HEPHL1: variants seen among roughly 807,000 people sequenced by gnomAD.
The protein encoded by HEPHL1 is ferroxidase HEPHL1.
Under a neutral mutation model 122.0 loss-of-function variants are expected in HEPHL1, and 123 were observed. That is an observed-to-expected ratio of 1.01 (90% CI 0.87 to 1.17). HEPHL1 has a LOEUF of 1.17. Among genes scored for constraint, HEPHL1 ranks in the 50% most tolerant of loss-of-function variants. HEPHL1 has a pLI of 0.00. For synonymous variants in HEPHL1, 527 were observed against 508.9 expected, an observed-to-expected ratio of 1.04 and a Z score of -0.48; for missense variants, 1,452 against 1,430.5, an observed-to-expected ratio of 1.01 and a Z score of -0.24.
At chr11:94,089,028 T>C (rs1565359099) in intron 12 of HEPHL1, 60 bp downstream of exon 12, 3 of 1,458,184 alleles carry the variant, frequency 2.1e-6, no homozygotes, top group African/African-American at 2.8e-5. Flanking sequence ...CGTAGGTCTT[T>C]AGTAAGTGTG....
In HEPHL1 at chr11:94,056,739, C is replaced by T. The variant is rs576517264; in HGVS notation, c.416-6769C>T. On this transcript the variant is annotated intron_variant, in intron 2 of 19. Transcript: ENST00000315765. Reference sequence around the variant, plus strand: ...CCTTCTCTAAATAAACCCAGCAATACGTTGTTATATACTTGGTGCTTTATA... The same window carrying T: ...CCTTCTCTAAATAAACCCAGCAATATGTTGTTATATACTTGGTGCTTTATA... Among the ~76,000 whole-genome samples, 18 of 151,620 alleles carry T rather than the reference C, an allele frequency of 1.2e-4. No individual in the cohort carries two copies. The Middle Eastern group carries it at 0.01, about 87-fold the overall frequency.
chr11:94,101,265 C>A lies in HEPHL1; in HGVS notation c.2505C>A (p.Tyr835Ter), dbSNP rs778904551. ...TTAAGAACAAAGCCAGTAGGCCCTA[C>A]TCCATCTCAGCCCAGGGTGTGGAGG... ...IIFKNKASRP[Y>*]SISAQGVEEM... Residue 835 changes from tyrosine (Y) to a stop codon, truncating the protein, a stop_gained, in exon 14 of 20, where the codon TAC (tyrosine) becomes TAA (stop). Coordinates refer to ENST00000315765, the MANE Select transcript of HEPHL1 (RefSeq NM_001098672.2). LOFTEE classifies it high-confidence loss of function. 3.1e-6 allele frequency: 5 copies of A among 1,613,870 alleles called. No homozygotes were observed. The South Asian group carries it at 4.4e-5, about 14-fold the overall frequency.
intron 1 of HEPHL1, among the ~76,000 whole-genome samples, chr11:94,036,685 A>G (rs142540555): frequency 1.1e-3 from 161 of 152,144 alleles, no homozygotes; most frequent in Middle Eastern, 3.4e-3. Context: ...ACAAAATACA[A>G]AAAATTAGCC....
intron 13 of HEPHL1, among the ~76,000 whole-genome samples, chr11:94,094,548 G>T (rs762704206): frequency 2.5e-4 from 38 of 152,176 alleles, no homozygotes; most frequent in Middle Eastern, 3.2e-3. Flanking sequence ...GGTATTTCTA[G>T]TTCTAGATCC....
At chr11:94,085,472 A>G (rs1036421924) in intron 10 of HEPHL1, among the ~76,000 whole-genome samples, 6 of 152,218 alleles carry the variant, frequency 3.9e-5, no homozygotes, top group African/African-American at 1.4e-4. Flanking sequence ...ATGCACATAT[A>G]CTGTCAATTG....
intron 1 of HEPHL1, among the ~76,000 whole-genome samples, chr11:94,027,057 C>G (rs546708836): frequency 6.6e-6 from 1 of 152,300 alleles, no homozygotes; most frequent in South Asian, 2.1e-4. Context: ...TCTGGAGGTT[C>G]TAAGGGAGGG....
At chr11:94,048,951 C>T (rs1945864425) in intron 2 of HEPHL1, among the ~76,000 whole-genome samples, 1 of 151,888 alleles carries the variant, frequency 6.6e-6, no homozygotes, top group South Asian at 2.1e-4. Context: ...GAAACCCCAT[C>T]TCTACTAAAA....
chr11:94,021,765 G>A (rs910693765), intron 1 of HEPHL1, among the ~76,000 whole-genome samples: 1 of 152,208 alleles, frequency 6.6e-6, no homozygotes, highest in Admixed American at 6.5e-5. Context: ...AGCCTTGCCT[G>A]TGAAGGGACA....
intron 13 of HEPHL1, among the ~76,000 whole-genome samples, chr11:94,095,317 T>G (rs932372214): frequency 2.0e-5 from 3 of 152,200 alleles, no homozygotes; most frequent in Admixed American, 6.5e-5. Flanking sequence ...ATGTGTGGTA[T>G]TATTTCTGAG....
chr11:94,096,499 C>A (rs532886180), intron 13 of HEPHL1, among the ~76,000 whole-genome samples: 33 of 151,964 alleles, frequency 2.2e-4, no homozygotes, highest in African/African-American at 7.5e-4. Flanking sequence ...GTTGTGTCTG[C>A]CAGGCTTTGG....
chr11:94,109,972 G>C (rs1197494718), intron 17 of HEPHL1, among the ~76,000 whole-genome samples: 1 of 152,126 alleles, frequency 6.6e-6, no homozygotes, highest in East Asian at 1.9e-4. Context: ...TAATTTGTTG[G>C]AATATCTTGA....
chr11:94,056,543 C>T (rs560604156), intron 2 of HEPHL1, among the ~76,000 whole-genome samples: 1 of 152,084 alleles, frequency 6.6e-6, no homozygotes, highest in African/African-American at 2.4e-5. Context: ...TGGTTTGCCT[C>T]GGGATTGTAA....
At chr11:94,042,589 A>G (rs1382548689) in intron 1 of HEPHL1, among the ~76,000 whole-genome samples, 6 of 151,618 alleles carry the variant, frequency 4.0e-5, no homozygotes, top group Admixed American at 1.3e-4. Context: ...CATGGATGAA[A>G]TTGGAAACCA....
At chr11:94,031,236 C>T (rs981690240) in intron 1 of HEPHL1, among the ~76,000 whole-genome samples, 27 of 152,040 alleles carry the variant, frequency 1.8e-4, no homozygotes, top group African/African-American at 6.3e-4. Flanking sequence ...TCCTCCCTCC[C>T]ACCTGTGGCT....
chr11:94,050,651 C>G (rs889635827), intron 2 of HEPHL1, among the ~76,000 whole-genome samples: 1 of 152,168 alleles, frequency 6.6e-6, no homozygotes, highest in Middle Eastern at 3.4e-3. Context: ...AGCATTTATC[C>G]TTTGTGTTTC....
In HEPHL1 at chr11:94,104,703, G is replaced by A. The variant is rs939355851; in HGVS notation, c.2858G>A (p.Arg953Gln). ...NIKKYLNKDP[R>Q]DFKRTDDFEE... ...AAGAAGTATCTCAACAAAGATCCAC[G>A]AGATTTTAAGCGCACTGATGATTTT... The change falls in exon 16 of 20, where the codon CGA (arginine) becomes CAA (glutamine). Residue 953 changes from arginine (R) to glutamine (Q), a missense_variant. Transcript: ENST00000315765. 6.2e-6 allele frequency: 10 copies of A among 1,613,708 alleles called. No homozygotes were observed. The African/African-American group carries it at 6.7e-5, about 11-fold the overall frequency.
At chr11:94,021,974 T>C (rs963405514) in intron 1 of HEPHL1, among the ~76,000 whole-genome samples, 5 of 152,202 alleles carry the variant, frequency 3.3e-5, no homozygotes, top group Non-Finnish European at 5.9e-5. Flanking sequence ...ATAAGTATGC[T>C]AAGTCATGTT....
In HEPHL1 at chr11:94,111,949, C is replaced by A; in HGVS notation, c.*55C>A. 1 of 1,322,962 alleles carries A rather than the reference C, an allele frequency of 7.6e-7. No individual in the cohort carries two copies. The highest frequency in any genetic ancestry group is 1.0e-6 in the Non-Finnish European group (1 of 984,054). The allele number at this position is 1,322,962 out of a possible 1,614,324, so 82.0% of individuals were successfully genotyped here. The stretch of plus-strand genomic sequence containing the variant: ...TGATGTCCCACAGCTGGCCAGATGG[C>A]AGCCAACAGGGAAACTGGACCAAGG... On this transcript the variant is annotated 3_prime_UTR_variant, in exon 20 of 20. Coordinates refer to ENST00000315765, the MANE Select transcript of HEPHL1 (RefSeq NM_001098672.2).
chr11:94,033,004 C>T (rs1945689783), intron 1 of HEPHL1, among the ~76,000 whole-genome samples: 1 of 152,136 alleles, frequency 6.6e-6, no homozygotes, highest in Non-Finnish European at 1.5e-5. Flanking sequence ...ATGGACAACC[C>T]ATGCCAAGGG....
Sources: gnomAD v4.1 joint callset for allele counts (sites outside exome capture counted in the v4.1 genomes callset) on GRCh38, gnomAD v4.1.1 for gene constraint, MANE v1.5 for transcripts, NCBI Gene and HGNC (gene_info 2026-07-23, HGNC 2026-07-21) for gene names.